The following DCAF7 variants were observed in gnomAD, a reference collection of about 807,000 sequenced individuals.
The protein encoded by DCAF7 is DDB1- and CUL4-associated factor 7.
In DCAF7, 4 loss-of-function variants were observed where a neutral mutation model predicts 41.2. The observed-to-expected ratio is 0.10, with a 90% CI of 0.05 to 0.22. DCAF7 has a LOEUF of 0.22. Among genes scored for constraint, DCAF7 ranks in the 10% least tolerant of loss-of-function variants. DCAF7 has a pLI of 1.00. For missense variants in DCAF7, 131 were observed against 443.2 expected, an observed-to-expected ratio of 0.30 and a Z score of 6.32; for synonymous variants, 143 against 164.2, an observed-to-expected ratio of 0.87 and a Z score of 0.99.
At chr17:63,583,790 C>T in intron 5 of DCAF7, 79 bp downstream of exon 5, 1 of 1,456,156 alleles carries the variant, frequency 6.9e-7, no homozygotes, top group African/African-American at 1.4e-5. Context: ...TGGTTCTCAA[C>T]TGGAGCAGTT....
chr17:63,556,516 C>T (rs1319568159), intron 1 of DCAF7, among the ~76,000 whole-genome samples: 3 of 150,928 alleles, frequency 2.0e-5, no homozygotes, highest in African/African-American at 7.3e-5. Context: ...TTGCAGTGAA[C>T]GGAGATTGTG....
At chr17:63,563,000 A>AT (rs1460074041) in intron 1 of DCAF7, among the ~76,000 whole-genome samples, 1 of 151,550 alleles carries the variant, frequency 6.6e-6, no homozygotes, top group East Asian at 1.9e-4. Context: ...AGTTATTTTT[A>AT]TTTTTTGTAG....
chr17:63,570,214 G>A lies in DCAF7; in HGVS notation c.139-8256G>A, dbSNP rs186271260. On this transcript the variant is annotated intron_variant, in intron 1 of 6. Coordinates refer to ENST00000614556, the MANE Select transcript of DCAF7 (RefSeq NM_005828.5). ...CACACCTCTAATCCCAGCACTTTGG[G>A]AGGCCAATGCAGGCAGATTGCTTGA... is the stretch of plus-strand genomic sequence containing the variant. Among the ~76,000 whole-genome samples the A allele has an allele frequency of 8.6e-3, 1,315 of 152,184 alleles. 8 individuals carry two copies. The highest frequency in any genetic ancestry group is 0.02 in the Middle Eastern group (6 of 294).
chr17:63,589,733 T>G lies in DCAF7; in HGVS notation c.*561T>G. On this transcript the variant is annotated 3_prime_UTR_variant, in exon 7 of 7. Transcript: ENST00000614556. Reference sequence around the variant, plus strand: ...CATTTCTTTGTCTTATAGTCCTCCCTCTTTGCACCTTCTTCTCTTCCCTCA... The same window carrying G: ...CATTTCTTTGTCTTATAGTCCTCCCGCTTTGCACCTTCTTCTCTTCCCTCA... The G allele has an allele frequency of 1.1e-5, 2 of 176,084 alleles. No individual in the cohort carries two copies. Among genetic ancestry groups the G allele is most frequent in the Non-Finnish European group, 2.4e-5 (2 of 82,004 alleles). The allele number at this position is 176,084 out of a possible 1,614,324, so 10.9% of individuals were successfully genotyped here.
Position 63,550,500 on chromosome 17 carries a change from G to C in DCAF7, c.-178G>C, listed in dbSNP as rs1261490018. 9.7e-7 allele frequency: 1 copy of C among 1,035,852 alleles called. No individual in the cohort carries two copies. The highest frequency in any genetic ancestry group is 2.7e-5 in the East Asian group (1 of 36,768). 64.2% of individuals were successfully genotyped at this position (1,035,852 alleles called of 1,614,324 possible). A position where few individuals can be genotyped will look rare whatever the true frequency, so the allele number is the denominator to read the frequency against. On this transcript the variant is annotated 5_prime_UTR_variant, in exon 1 of 7. Coordinates refer to ENST00000614556, the MANE Select transcript of DCAF7 (RefSeq NM_005828.5). This position sits in a 1 kb window ranked among gnomAD's most constrained non-coding sequence, Gnocchi z 4.8. ...TTGTCGTCCGTTCCCAAGCTGGTTT[G>C]AAACTAGGGGTCGGGCTCGGCCGTC...
chr17:63,580,022 A>G (rs1598035059), intron 4 of DCAF7, 79 bp downstream of exon 4: 1 of 1,000,182 alleles, frequency 1.0e-6, no homozygotes, highest in Middle Eastern at 2.0e-4. Context: ...TTGTTCTCTC[A>G]TTGTTCTGCA....
chr17:63,567,928 G>T (rs963000447), intron 1 of DCAF7, among the ~76,000 whole-genome samples: 2 of 152,054 alleles, frequency 1.3e-5, no homozygotes, highest in African/African-American at 2.4e-5. Context: ...GCATCCCAGG[G>T]TGTTGGGATT....
At chr17:63,571,226 G>C (rs1218854738) in intron 1 of DCAF7, among the ~76,000 whole-genome samples, 2 of 151,970 alleles carry the variant, frequency 1.3e-5, no homozygotes, top group African/African-American at 2.4e-5. Flanking sequence ...TTGTGTAAAG[G>C]AAGTGAGTTG....
At chr17:63,559,421 GTATATATA>G (rs759733619) in intron 1 of DCAF7, among the ~76,000 whole-genome samples, 30 of 64,744 alleles carry the variant, frequency 4.6e-4, no homozygotes, top group African/African-American at 1.9e-3. Context: ...ATATATATAC[GTATATATA>G]TATGTGTGTG....
rs747655677 is a variant in DCAF7, at chr17:63,593,812, A to G, written c.*4640A>G. The G allele has an allele frequency of 3.9e-5, 6 of 152,658 alleles. No homozygotes were observed. Among genetic ancestry groups the G allele is most frequent in the Non-Finnish European group, 8.8e-5 (6 of 68,048 alleles). 9.5% of individuals were successfully genotyped at this position (152,658 alleles called of 1,614,324 possible). On this transcript the variant is annotated 3_prime_UTR_variant, in exon 7 of 7. Coordinates refer to ENST00000614556, the MANE Select transcript of DCAF7 (RefSeq NM_005828.5). ...AGCATGATTGTATAAACCTCTATGT[A>G]GAAAATGGAGATTTCTTGCTCTGAA...
At chr17:63,574,174 C>T (rs972060270) in intron 1 of DCAF7, among the ~76,000 whole-genome samples, 5 of 152,162 alleles carry the variant, frequency 3.3e-5, no homozygotes, top group African/African-American at 9.7e-5. Context: ...ACCTGGGATG[C>T]CCTTCCCTTT....
At chr17:63,559,627 C>T (rs2033359059) in intron 1 of DCAF7, among the ~76,000 whole-genome samples, 1 of 150,768 alleles carries the variant, frequency 6.6e-6, no homozygotes, top group Non-Finnish European at 1.5e-5. Context: ...CATGGTGAAA[C>T]CCTGTCTCTA....
At chr17:63,562,554 A>T (rs966753163) in intron 1 of DCAF7, among the ~76,000 whole-genome samples, 1 of 150,324 alleles carries the variant, frequency 6.7e-6, no homozygotes, top group Non-Finnish European at 1.5e-5. Flanking sequence ...TATTATTATT[A>T]TACTTTAAGT....
chr17:63,571,627 C>T (rs2033507865), intron 1 of DCAF7, among the ~76,000 whole-genome samples: 1 of 151,832 alleles, frequency 6.6e-6, no homozygotes, highest in African/African-American at 2.4e-5. Flanking sequence ...TTTCATGAGC[C>T]TTTTCTGAAA....
In DCAF7 at chr17:63,579,453, G is replaced by A; in HGVS notation, c.409+5G>A. 6.3e-7 allele frequency: 1 copy of A among 1,580,362 alleles called. No homozygotes were observed. The highest frequency in any genetic ancestry group is 8.6e-7 in the Non-Finnish European group (1 of 1,158,824). ...AGGTGGATCCTTATCTTTTAGGTAA[G>A]GGAGTTAGGGAGTATGTATTTCAGC... On this transcript the variant is annotated splice_donor_5th_base_variant and intron_variant, in intron 3 of 6. Coordinates refer to ENST00000614556, the MANE Select transcript of DCAF7 (RefSeq NM_005828.5).
At chr17:63,582,531 T>C (rs140823740) in intron 4 of DCAF7, among the ~76,000 whole-genome samples, 439 of 152,062 alleles carry the variant, frequency 2.9e-3, no homozygotes, top group African/African-American at 0.01. Flanking sequence ...TGCAATGGCC[T>C]GATCTCAGCT....
At chr17:63,588,360 A>ATT (rs766903512) in intron 6 of DCAF7, among the ~76,000 whole-genome samples, 1 of 120,236 alleles carries the variant, frequency 8.3e-6, no homozygotes. Context: ...GCTAATTTGT[A>ATT]TTTTTTTTTT....
rs538405749 is a variant in DCAF7, at chr17:63,578,069, A to T, written c.139-401A>T. Among the ~76,000 whole-genome samples, 10 of 152,250 alleles carry T rather than the reference A, an allele frequency of 6.6e-5. No homozygotes were observed. In the South Asian group the frequency reaches 2.1e-3, roughly 32 times the overall value. The stretch of plus-strand genomic sequence containing the variant: ...CAGTTTAGTGTAGTACAGTGTCAAG[A>T]CTTCTGTCACTGGCCAGGCATAGTG... On this transcript the variant is annotated intron_variant, in intron 1 of 6. Coordinates refer to ENST00000614556, the MANE Select transcript of DCAF7 (RefSeq NM_005828.5).
intron 6 of DCAF7, among the ~76,000 whole-genome samples, chr17:63,588,568 T>C (rs935009884): frequency 1.3e-5 from 2 of 152,080 alleles, no homozygotes; most frequent in Non-Finnish European, 2.9e-5. Flanking sequence ...CACTGAAGCA[T>C]AAATGTCCAT....
Sources: allele counts gnomAD v4.1 joint callset (sites outside exome capture counted in the v4.1 genomes callset), GRCh38; gene constraint gnomAD v4.1.1; non-coding constraint Gnocchi (gnomAD v3.1); transcripts MANE v1.5; gene names NCBI Gene and HGNC (gene_info 2026-07-23, HGNC 2026-07-21).